CDH13: variants seen among roughly 807,000 people sequenced by gnomAD.
CDH13 encodes the protein cadherin-13.
CDH13 carries 24 observed loss-of-function variants against 63.8 expected under a neutral mutation model. That is an observed-to-expected ratio of 0.38 (90% CI 0.27 to 0.53). The LOEUF (loss-of-function observed/expected upper bound fraction) is 0.53. Among genes scored for constraint, CDH13 ranks in the 20% least tolerant of loss-of-function variants. CDH13 has a pLI of 0.85. For synonymous variants in CDH13, 503 were observed against 355.3 expected (o/e 1.42, Z -4.67); for missense variants, 1,049 against 903.1 (o/e 1.16, Z -2.07).
intron 7 of CDH13, among the ~76,000 whole-genome samples, chr16:83,491,979 A>C (rs2074024392): frequency 6.6e-6 from 1 of 152,166 alleles, no homozygotes. Context: ...TGAGATATTC[A>C]AGAGTCCTTG....
chr16:83,701,426 G>A (rs1906210109), intron 10 of CDH13, among the ~76,000 whole-genome samples: 1 of 152,154 alleles, frequency 6.6e-6, no homozygotes, highest in Admixed American at 6.5e-5. Flanking sequence ...TGCACTCTGT[G>A]TGCCAGTCAT....
chr16:82,816,808 G>T (rs1037509052), intron 1 of CDH13, among the ~76,000 whole-genome samples: 1 of 119,174 alleles, frequency 8.4e-6, no homozygotes, highest in African/African-American at 3.4e-5. Context: ...AACTTCGGGG[G>T]GCGGGGGGTG....
intron 6 of CDH13, among the ~76,000 whole-genome samples, chr16:83,446,261 C>T (rs1156778386): frequency 6.6e-6 from 1 of 150,556 alleles, no homozygotes. Context: ...CGAGATCATG[C>T]CACTGCACTC....
intron 5 of CDH13, among the ~76,000 whole-genome samples, chr16:83,272,928 A>G (rs768715703): frequency 4.6e-5 from 7 of 152,164 alleles, no homozygotes; most frequent in Non-Finnish European, 8.8e-5. Flanking sequence ...TAATTTTTCC[A>G]TTTCCATTTC....
intron 6 of CDH13, among the ~76,000 whole-genome samples, chr16:83,447,196 C>A (rs1266733835): frequency 7.4e-6 from 1 of 135,130 alleles, no homozygotes. Flanking sequence ...AGATGGATCA[C>A]CTGAGGTCAG....
Position 82,740,220 on chromosome 16 carries a change from C to G in CDH13, c.45+113083C>G, listed in dbSNP as rs144872235. On this transcript the variant is annotated intron_variant, in intron 1 of 13. Coordinates refer to ENST00000567109, the MANE Select transcript of CDH13 (RefSeq NM_001257.5). Reference sequence around the variant, plus strand: ...TTTATTATAATGCATGCCATCCCAACAGAATCAATAGTTGATTGATTTCTT... The same window carrying G: ...TTTATTATAATGCATGCCATCCCAAGAGAATCAATAGTTGATTGATTTCTT... 3.8e-4 allele frequency among the ~76,000 whole-genome samples: 58 copies of G among 152,316 alleles called. No homozygotes were observed. In the East Asian group the frequency reaches 0.011, roughly 29 times the overall value.
chr16:83,070,909 C>G (rs1258049920), intron 3 of CDH13, among the ~76,000 whole-genome samples: 1 of 139,776 alleles, frequency 7.2e-6, no homozygotes, highest in Non-Finnish European at 1.5e-5. Flanking sequence ...ATTTATTGCT[C>G]ATGATATACA....
chr16:82,664,642 C>G (rs1201862097), intron 1 of CDH13, among the ~76,000 whole-genome samples: 1 of 152,192 alleles, frequency 6.6e-6, no homozygotes, highest in African/African-American at 2.4e-5. Context: ...GCCTTATTCT[C>G]TAGATGTGAT....
chr16:83,096,035 G>A (rs1197215449), intron 3 of CDH13, among the ~76,000 whole-genome samples: 1 of 152,176 alleles, frequency 6.6e-6, no homozygotes, highest in Non-Finnish European at 1.5e-5. Context: ...CAGGAAGAGG[G>A]TGTGATGCAG....
At chr16:83,466,313 GA>G (rs1404374850) in intron 6 of CDH13, among the ~76,000 whole-genome samples, 11 of 152,210 alleles carry the variant, frequency 7.2e-5, no homozygotes, top group Non-Finnish European at 1.6e-4. Flanking sequence ...GCCAGCAAAG[GA>G]GGCATGGGGT....
chr16:82,977,930 C>G (rs1182280452), intron 2 of CDH13, among the ~76,000 whole-genome samples: 1 of 152,052 alleles, frequency 6.6e-6, no homozygotes, highest in African/African-American at 2.4e-5. Flanking sequence ...TGTCTTTGAC[C>G]AAAATGCTGA....
intron 2 of CDH13, among the ~76,000 whole-genome samples, chr16:82,971,904 G>A (rs72790200): frequency 0.12 from 17,932 of 152,142 alleles, 1,292 homozygotes; most frequent in East Asian, 0.16. Context: ...TGTTTGCAGC[G>A]ATTACTCTGC....
At chr16:82,706,610 C>T (rs1282987551) in intron 1 of CDH13, among the ~76,000 whole-genome samples, 1 of 150,362 alleles carries the variant, frequency 6.7e-6, no homozygotes, top group Non-Finnish European at 1.5e-5. Context: ...GCCTGGCCAA[C>T]ATGGTGAAAC....
chr16:82,746,152 T>C (rs757742954), intron 1 of CDH13, among the ~76,000 whole-genome samples: 2 of 145,152 alleles, frequency 1.4e-5, no homozygotes, highest in Non-Finnish European at 3.1e-5. Context: ...AAACATACTA[T>C]ATACTATATA....
At chr16:83,032,766 C>G (rs1916486659) in intron 3 of CDH13, among the ~76,000 whole-genome samples, 1 of 152,134 alleles carries the variant, frequency 6.6e-6, no homozygotes, top group African/African-American at 2.4e-5. Context: ...ATTTCTTTTC[C>G]TGAAGCCAGG....
chr16:83,447,089 T>G (rs1307485301), intron 6 of CDH13, among the ~76,000 whole-genome samples: 80 of 126,342 alleles, frequency 6.3e-4, no homozygotes, highest in African/African-American at 2.3e-3. Flanking sequence ...AAACACCTTA[T>G]AGTAACCTTT....
At chr16:83,269,182 A>G (rs1359015044) in intron 5 of CDH13, among the ~76,000 whole-genome samples, 1 of 152,176 alleles carries the variant, frequency 6.6e-6, no homozygotes, top group Non-Finnish European at 1.5e-5. Flanking sequence ...TAGAAATTCA[A>G]ATGTTGTGTC....
chr16:82,895,231 C>G (rs1295939401), intron 2 of CDH13, among the ~76,000 whole-genome samples: 1 of 152,136 alleles, frequency 6.6e-6, no homozygotes, highest in Non-Finnish European at 1.5e-5. Flanking sequence ...CCCTTGACAT[C>G]CACCAATACT....
chr16:83,168,896 A>T (rs2037803818), intron 4 of CDH13, among the ~76,000 whole-genome samples: 2 of 152,066 alleles, frequency 1.3e-5, no homozygotes, highest in Non-Finnish European at 2.9e-5. Context: ...CTCTCAATTT[A>T]TTGAAACTTT....
Sources: gnomAD v4.1 joint callset for allele counts (sites outside exome capture counted in the v4.1 genomes callset) on GRCh38, gnomAD v4.1.1 for gene constraint, MANE v1.5 for transcripts, NCBI Gene and HGNC (gene_info 2026-07-23, HGNC 2026-07-21) for gene names.